TCF12: variants seen among roughly 807,000 people sequenced by gnomAD.
TCF12 encodes transcription factor 12.
Under a neutral mutation model 86.0 loss-of-function variants are expected in TCF12, and 45 were observed. The observed-to-expected ratio is 0.52, with a 90% CI of 0.41 to 0.67. The LOEUF is 0.67. TCF12 is among the 30% of genes least tolerant of loss of function. The pLI, the probability that TCF12 is intolerant of heterozygous loss-of-function variation, is 0.00. For missense variants in TCF12, 881 were observed against 859.9 expected, an observed-to-expected ratio of 1.02 and a Z score of -0.31; for synonymous variants, 330 against 299.6, an observed-to-expected ratio of 1.10 and a Z score of -1.05.
chr15:57,253,761 A>G (rs115494982), intron 16 of TCF12, among the ~76,000 whole-genome samples: 1,757 of 152,334 alleles, frequency 0.012, 33 homozygotes, highest in African/African-American at 0.04. Flanking sequence ...GAAATAGTGC[A>G]TAAGAAATCT....
intron 3 of TCF12, among the ~76,000 whole-genome samples, chr15:57,033,108 T>A (rs953951888): frequency 6.6e-6 from 1 of 152,024 alleles, no homozygotes; most frequent in Non-Finnish European, 1.5e-5. Context: ...GATAGGTCAA[T>A]AGAAATTTTT....
intron 3 of TCF12, among the ~76,000 whole-genome samples, chr15:56,969,325 C>T (rs182387622): frequency 6.6e-6 from 1 of 152,040 alleles, no homozygotes; most frequent in African/African-American, 2.4e-5. Context: ...AAGAAGAGAC[C>T]AGTTAGGAGA....
At chr15:56,950,657 A>G (rs1183431706) in intron 3 of TCF12, among the ~76,000 whole-genome samples, 1 of 150,576 alleles carries the variant, frequency 6.6e-6, no homozygotes, top group East Asian at 1.9e-4. Flanking sequence ...TAATTCATAT[A>G]TCACAATTTG....
rs981096804 is a variant in TCF12, at chr15:57,263,874, G to T, written c.1745+600G>T. Among the ~76,000 whole-genome samples the T allele has an allele frequency of 9.9e-5, 15 of 152,026 alleles. No individual in the cohort carries two copies. The East Asian group carries it at 2.9e-3, about 29-fold the overall frequency. On this transcript the variant is annotated intron_variant, in intron 18 of 20. Transcript: ENST00000333725. ...AAATAAAAGATAAAAAATGGTACCC[G>T]TATAGGCCACTTATCATGAATAGAG...
At chr15:57,053,753 G>GA (rs749728394) in intron 3 of TCF12, among the ~76,000 whole-genome samples, 2 of 152,140 alleles carry the variant, frequency 1.3e-5, no homozygotes, top group Admixed American at 6.5e-5. Context: ...CCAGTTGCCT[G>GA]AAGTATCTAT....
Position 57,263,205 on chromosome 15 carries a change from C to A in TCF12, c.1676C>A (p.Ser559Ter), listed in dbSNP as rs2060670714. The A allele has an allele frequency of 6.2e-7, 1 of 1,613,014 alleles. No individual in the cohort carries two copies. The highest frequency in any genetic ancestry group is 1.7e-5 in the Admixed American group (1 of 59,768). The part of the protein sequence containing the change: ...KDENLHEPPS[S>*]DDMKSDDESS... ...GAAAACCTTCATGAACCTCCTTCAT[C>A]AGATGACATGAAGTCAGATGATGAA... The change falls in exon 18 of 21, where the codon TCA becomes TAA. Residue 559 changes from serine to a stop codon, truncating the protein, a stop_gained. Coordinates refer to ENST00000333725, the MANE Select transcript of TCF12 (RefSeq NM_207037.2). LOFTEE classifies it high-confidence loss of function.
chr15:56,966,660 C>T (rs946166459), intron 3 of TCF12, among the ~76,000 whole-genome samples: 1 of 152,158 alleles, frequency 6.6e-6, no homozygotes, highest in African/African-American at 2.4e-5. Context: ...CTTCAGGTGA[C>T]TTTGATACTA....
intron 4 of TCF12, among the ~76,000 whole-genome samples, chr15:57,088,104 G>A (rs1166693338): frequency 6.6e-6 from 1 of 152,024 alleles, no homozygotes; most frequent in African/African-American, 2.4e-5. Flanking sequence ...TCATTTACTG[G>A]TCCCATTGGT....
intron 3 of TCF12, among the ~76,000 whole-genome samples, chr15:56,998,143 A>G (rs1479287316): frequency 6.6e-6 from 1 of 152,220 alleles, no homozygotes; most frequent in Non-Finnish European, 1.5e-5. Flanking sequence ...TAGTAGACAG[A>G]AATTACTAAT....
chr15:57,247,819 GC>G lies in TCF12; in HGVS notation c.1115-3527del, dbSNP rs1210723904. 7 of 752,608 alleles carry G rather than the reference GC, an allele frequency of 9.3e-6. No individual in the cohort carries two copies. The East Asian group carries it at 1.7e-4, about 18-fold the overall frequency. 46.6% of individuals were successfully genotyped at this position (752,608 alleles called of 1,614,324 possible). A position where few individuals can be genotyped will look rare whatever the true frequency, so the allele number is the denominator to read the frequency against. ...CACAAGAGTAAGTCACAAAACCAAAGCCCCTGGAACGTGTTTTTTGGGGTCT... is the reference window on the plus strand; with the variant it reads ...CACAAGAGTAAGTCACAAAACCAAAGCCCTGGAACGTGTTTTTTGGGGTCT... On this transcript the variant is annotated intron_variant, in intron 13 of 20. Coordinates refer to ENST00000333725, the MANE Select transcript of TCF12 (RefSeq NM_207037.2).
intron 5 of TCF12, among the ~76,000 whole-genome samples, chr15:57,103,479 G>A (rs1272615072): frequency 6.6e-6 from 1 of 152,126 alleles, no homozygotes; most frequent in African/African-American, 2.4e-5. Flanking sequence ...CTTTCCACAT[G>A]TACATTTGGA....
At position 57,197,793 on chromosome 15, in the gene TCF12, G is replaced by T; in HGVS notation, c.547G>T (p.Val183Phe). The change falls in exon 8 of 21, where the codon GTC becomes TTC. Residue 183 changes from valine (V) to phenylalanine (F), a missense_variant. By Grantham distance (50) the Val-to-Phe change is conservative (BLOSUM62 -1). This residue lies in a region of TCF12 where 766 missense variants were observed against 718.9 expected (regional missense o/e 1.07). Transcript: ENST00000333725. Reference protein sequence around the residue: ...AALDPLQAKKVRKVPPGLPSS... With the variant: ...AALDPLQAKKFRKVPPGLPSS... The stretch of plus-strand genomic sequence containing the variant: ...TGCAGATCCCTTGCAAGCAAAAAAA[G>T]TCAGAAAGGTGCCTCCTGGTTTGCC... The T allele has an allele frequency of 6.2e-7, 1 of 1,614,008 alleles. No individual in the cohort carries two copies. Among genetic ancestry groups the T allele is most frequent in the Non-Finnish European group, 8.5e-7 (1 of 1,179,948 alleles).
chr15:56,935,128 C>T (rs1257311492), intron 3 of TCF12, among the ~76,000 whole-genome samples: 1 of 152,138 alleles, frequency 6.6e-6, no homozygotes, highest in African/African-American at 2.4e-5. Flanking sequence ...GCTTATTTTT[C>T]TCTGTAGCTA....
intron 13 of TCF12, among the ~76,000 whole-genome samples, chr15:57,244,313 T>C (rs551649307): frequency 2.4e-4 from 37 of 152,368 alleles, no homozygotes; most frequent in African/African-American, 8.9e-4. Flanking sequence ...TAACTATTTC[T>C]GCTAGATAGT....
At chr15:57,068,276 T>G (rs1196277975) in intron 4 of TCF12, among the ~76,000 whole-genome samples, 3 of 152,224 alleles carry the variant, frequency 2.0e-5, no homozygotes, top group Non-Finnish European at 4.4e-5. Flanking sequence ...ATGTCTGATA[T>G]GTGGTGAGTG....
intron 3 of TCF12, among the ~76,000 whole-genome samples, chr15:57,051,564 T>C (rs2067620689): frequency 6.6e-6 from 1 of 152,114 alleles, no homozygotes; most frequent in Admixed American, 6.5e-5. Context: ...CTTGAAGTGA[T>C]CCTCCTGCCT....
intron 4 of TCF12, among the ~76,000 whole-genome samples, chr15:57,075,762 C>CT (rs1287777621): frequency 3.5e-4 from 20 of 56,916 alleles, no homozygotes; most frequent in Non-Finnish European, 7.2e-4. Context: ...GGTTTCTTTT[C>CT]TTTCTTTCTT....
At chr15:57,094,509 C>T (rs914691425) in intron 5 of TCF12, among the ~76,000 whole-genome samples, 1 of 152,158 alleles carries the variant, frequency 6.6e-6, no homozygotes, top group Non-Finnish European at 1.5e-5. Context: ...GACACCCAAA[C>T]GTGGGTTTAT....
intron 3 of TCF12, among the ~76,000 whole-genome samples, chr15:56,950,745 G>GCTT (rs1555455322): frequency 0.017 from 1,484 of 85,896 alleles, 667 homozygotes; most frequent in Middle Eastern, 0.038. Context: ...TTATGACCAT[G>GCTT]TTTTTTTTTT....
Sources: allele counts gnomAD v4.1 joint callset (sites outside exome capture counted in the v4.1 genomes callset), GRCh38; gene constraint gnomAD v4.1.1; regional missense constraint gnomAD v4.1.1; transcripts MANE v1.5; gene names NCBI Gene and HGNC (gene_info 2026-07-23, HGNC 2026-07-21).